RRP15: variants seen among roughly 807,000 people sequenced by gnomAD.
RRP15 encodes the protein ribosomal RNA processing 15 homolog.
RRP15 carries 18 observed loss-of-function variants against 27.1 expected under a neutral mutation model. The observed-to-expected ratio is 0.66, with a 90% confidence interval of 0.46 to 0.98. RRP15 has a LOEUF of 0.98. Among genes scored for constraint, RRP15 ranks in the 50% least tolerant of loss-of-function variants. The pLI, the probability that RRP15 is intolerant of heterozygous loss-of-function variation, is 0.00. For missense variants in RRP15, 359 were observed against 337.8 expected, an observed-to-expected ratio of 1.06 and a Z score of -0.49; for synonymous variants, 107 against 109.4, an observed-to-expected ratio of 0.98 and a Z score of 0.14.
At chr1:218,320,182 A>G (rs1656165106) in intron 4 of RRP15, among the ~76,000 whole-genome samples, 1 of 151,866 alleles carries the variant, frequency 6.6e-6, no homozygotes, top group Admixed American at 6.6e-5. Flanking sequence ...TTAGCGTTAG[A>G]TATATCTCCT....
chr1:218,337,084 A>T lies in RRP15; in HGVS notation c.*5993A>T, dbSNP rs1413179806. On this transcript the variant is annotated 3_prime_UTR_variant, in exon 5 of 5. Transcript: ENST00000366932. ...TAAGGCTAGCATGTAAATCAGATAC[A>T]ATAATATATAGTTCAGGGTGTAAAG... The T allele has an allele frequency of 6.6e-6, 1 of 152,238 alleles. No homozygotes were observed. The highest frequency in any genetic ancestry group is 1.5e-5 in the Non-Finnish European group (1 of 68,042). 9.4% of individuals were successfully genotyped at this position (152,238 alleles called of 1,614,324 possible).
At chr1:218,291,344 C>G (rs538570370) in intron 1 of RRP15, among the ~76,000 whole-genome samples, 1 of 151,752 alleles carries the variant, frequency 6.6e-6, no homozygotes, top group South Asian at 2.1e-4. Flanking sequence ...ACTTGTGAGG[C>G]TAAGGCATAA....
At chr1:218,316,259 G>T (rs940122991) in intron 4 of RRP15, among the ~76,000 whole-genome samples, 3 of 151,946 alleles carry the variant, frequency 2.0e-5, no homozygotes, top group Non-Finnish European at 4.4e-5. Flanking sequence ...AAAATTAATG[G>T]TGCCATACAT....
At chr1:218,304,756 T>C (rs1043195241) in intron 2 of RRP15, among the ~76,000 whole-genome samples, 1 of 152,150 alleles carries the variant, frequency 6.6e-6, no homozygotes, top group Non-Finnish European at 1.5e-5. Context: ...CACCCTATCT[T>C]GTACTGCCTG....
At position 218,337,390 on chromosome 1, in the gene RRP15, C is replaced by G. The variant is rs1372467747; in HGVS notation, c.*6299C>G. 6.6e-6 allele frequency: 1 copy of G among 152,116 alleles called. No homozygotes were observed. Among genetic ancestry groups the G allele is most frequent in the East Asian group, 1.9e-4 (1 of 5,194 alleles). The allele number at this position is 152,116 out of a possible 1,614,324, so 9.4% of individuals were successfully genotyped here. ...CTGATGACAGAAAATGCTGTGTGAACAGTATTATATAGAATTGTTTTTAAT... is the reference window on the plus strand; with the variant it reads ...CTGATGACAGAAAATGCTGTGTGAAGAGTATTATATAGAATTGTTTTTAAT... On this transcript the variant is annotated 3_prime_UTR_variant, in exon 5 of 5. Transcript: ENST00000366932.
At chr1:218,308,260 C>T (rs1156427358) in intron 4 of RRP15, among the ~76,000 whole-genome samples, 27 of 151,260 alleles carry the variant, frequency 1.8e-4, no homozygotes, top group Admixed American at 1.5e-3. Context: ...TTAGTAGAGA[C>T]GGGGTTTCAC....
At chr1:218,302,227 G>T in intron 1 of RRP15, 67 bp from the exon 2 acceptor site, 6 of 1,270,336 alleles carry the variant, frequency 4.7e-6, no homozygotes, top group South Asian at 1.4e-5. Context: ...GGAAGGGTTC[G>T]GGGGGCCTTG....
intron 1 of RRP15, among the ~76,000 whole-genome samples, chr1:218,290,369 C>T (rs898302722): frequency 6.6e-6 from 1 of 152,192 alleles, no homozygotes; most frequent in Non-Finnish European, 1.5e-5. Flanking sequence ...CAGTTTTAGG[C>T]TCCTGTGAGC....
At chr1:218,323,923 C>G (rs529186866) in intron 4 of RRP15, among the ~76,000 whole-genome samples, 6 of 152,288 alleles carry the variant, frequency 3.9e-5, no homozygotes, top group Admixed American at 3.3e-4. Flanking sequence ...TCCGAGCCTG[C>G]AGGGGCAGGG....
At chr1:218,289,045 G>A (rs12032913) in intron 1 of RRP15, among the ~76,000 whole-genome samples, 5 of 152,072 alleles carry the variant, frequency 3.3e-5, no homozygotes, top group Non-Finnish European at 5.9e-5. Flanking sequence ...GTCTACTTTA[G>A]GATTGTTGTA....
chr1:218,296,881 A>G (rs898249169), intron 1 of RRP15, among the ~76,000 whole-genome samples: 3 of 152,028 alleles, frequency 2.0e-5, no homozygotes, highest in African/African-American at 7.3e-5. Flanking sequence ...CTTAGGCAGC[A>G]CTTTTATAAT....
chr1:218,318,291 A>C (rs17047625), intron 4 of RRP15, among the ~76,000 whole-genome samples: 4,512 of 152,214 alleles, frequency 0.03, 88 homozygotes, highest in East Asian at 0.073. Context: ...TACAATTAAA[A>C]TTTTTTTATA....
chr1:218,312,760 A>G (rs1294800412), intron 4 of RRP15, among the ~76,000 whole-genome samples: 2 of 152,204 alleles, frequency 1.3e-5, no homozygotes, highest in African/African-American at 4.8e-5. Flanking sequence ...TTAGAAGAAT[A>G]TAAGAAACTT....
At chr1:218,296,398 A>C (rs1485462575) in intron 1 of RRP15, among the ~76,000 whole-genome samples, 1 of 152,100 alleles carries the variant, frequency 6.6e-6, no homozygotes, top group Non-Finnish European at 1.5e-5. Flanking sequence ...CTTACTCCTG[A>C]ATTCCAGCAC....
intron 1 of RRP15, among the ~76,000 whole-genome samples, chr1:218,293,925 T>A (rs1170200013): frequency 1.3e-5 from 2 of 152,162 alleles, no homozygotes; most frequent in African/African-American, 4.8e-5. Flanking sequence ...ATGATTTTTT[T>A]AATACTCTTT....
At chr1:218,299,836 T>C (rs1655783258) in intron 1 of RRP15, among the ~76,000 whole-genome samples, 1 of 152,172 alleles carries the variant, frequency 6.6e-6, no homozygotes, top group African/African-American at 2.4e-5. Flanking sequence ...CAGCTAACTA[T>C]ATTCTTCAAA....
At position 218,302,239 on chromosome 1, in the gene RRP15, C is replaced by T. The variant is rs555865365; in HGVS notation, c.140-55C>T. The T allele has an allele frequency of 8.2e-5, 117 of 1,432,484 alleles. No homozygotes were observed. The African/African-American group carries it at 1.5e-3, about 18-fold the overall frequency. 88.7% of individuals were successfully genotyped at this position (1,432,484 alleles called of 1,614,324 possible). The stretch of plus-strand genomic sequence containing the variant: ...CCAGGAAGGGTTCGGGGGGCCTTGG[C>T]AGCCTCTGCCTAGGATATTAAAGTT... On this transcript the variant is annotated intron_variant, in intron 1 of 4. Coordinates refer to ENST00000366932, the MANE Select transcript of RRP15 (RefSeq NM_016052.4).
At chr1:218,288,369 A>G (rs1383651432) in intron 1 of RRP15, among the ~76,000 whole-genome samples, 1 of 152,178 alleles carries the variant, frequency 6.6e-6, no homozygotes, top group Admixed American at 6.5e-5. Flanking sequence ...GGCATACTAC[A>G]CTGTTAGAGG....
intron 4 of RRP15, among the ~76,000 whole-genome samples, chr1:218,316,131 T>TTA (rs1051278862): frequency 1.1e-4 from 16 of 152,320 alleles, no homozygotes; most frequent in Admixed American, 3.9e-4. Flanking sequence ...CAAAATGAAC[T>TTA]TAGGTTTGGC....
Sources: gnomAD v4.1 joint callset for allele counts (sites outside exome capture counted in the v4.1 genomes callset) on GRCh38, gnomAD v4.1.1 for gene constraint, MANE v1.5 for transcripts, NCBI Gene and HGNC (gene_info 2026-07-23, HGNC 2026-07-21) for gene names.